The following PCNX2 variants were observed in gnomAD, a reference collection of about 807,000 sequenced individuals.
PCNX2 encodes the protein pecanex-like protein 2.
A neutral mutation model predicts 223.8 loss-of-function variants in PCNX2; 168 were observed. That is an observed-to-expected ratio of 0.75 (90% CI 0.66 to 0.85). PCNX2 has a LOEUF of 0.85. PCNX2 is among the 40% of genes least tolerant of loss of function. The probability of loss-of-function intolerance (pLI) is 0.00; values close to 1 mark genes in which losing one functional copy is unlikely to be tolerated. For missense variants in PCNX2, 2,507 were observed against 2,675.5 expected (o/e 0.94, Z 1.39); for synonymous variants, 1,006 against 1,052.6 (o/e 0.96, Z 0.86).
chr1:233,100,417 C>CAAAAAAAAAAAAAAAAAAAAAAAAAA (rs5781726), intron 21 of PCNX2, among the ~76,000 whole-genome samples: 2 of 81,074 alleles, frequency 2.5e-5, no homozygotes, highest in Non-Finnish European at 2.4e-5. Context: ...GATTCTGTCT[C>CAAAAAAAAAAAAAAAAAAAAAAAAAA]AAAAAAAAAA....
chr1:232,998,357 A>G lies in PCNX2; in HGVS notation c.5685T>C (p.Gly1895=), dbSNP rs1481066100. ...DVDGGGAPTT[G]GNNAPSGGSQ... is the part of the protein sequence containing the mutation. Reference sequence around the variant, plus strand: ...TGCCACCACTCGGGGCATTGTTGCCACCTGTCGTCGGGGCCCCTCCTCCGT... The same window carrying G: ...TGCCACCACTCGGGGCATTGTTGCCGCCTGTCGTCGGGGCCCCTCCTCCGT... Residue 1895 remains glycine (G), a synonymous_variant, in exon 32 of 34, where the codon GGT becomes GGC. Coordinates refer to ENST00000258229, the MANE Select transcript of PCNX2 (RefSeq NM_014801.4). 1 of 1,612,932 alleles carries G rather than the reference A, an allele frequency of 6.2e-7. No individual in the cohort carries two copies. The highest frequency in any genetic ancestry group is 8.5e-7 in the Non-Finnish European group (1 of 1,179,576).
At chr1:233,150,255 C>T (rs1677720261) in intron 19 of PCNX2, among the ~76,000 whole-genome samples, 2 of 152,162 alleles carry the variant, frequency 1.3e-5, no homozygotes, top group African/African-American at 4.8e-5. Context: ...TGGTGCTTCC[C>T]CACAGTGGGT....
At chr1:233,161,712 C>A (rs1247210442) in intron 17 of PCNX2, among the ~76,000 whole-genome samples, 3 of 152,022 alleles carry the variant, frequency 2.0e-5, no homozygotes, top group African/African-American at 7.2e-5. Context: ...TCCACAAACA[C>A]AGATCAGATA....
intron 23 of PCNX2, chr1:233,089,815 T>A (rs16858649): frequency 0.097 from 115,219 of 1,193,340 alleles, 5,998 homozygotes; most frequent in East Asian, 0.14. Flanking sequence ...TCACTTTTCC[T>A]TCACAACTGG....
intron 17 of PCNX2, among the ~76,000 whole-genome samples, chr1:233,167,309 C>A (rs916065908): frequency 6.6e-6 from 1 of 151,502 alleles, no homozygotes; most frequent in African/African-American, 2.4e-5. Context: ...ACAAATACTG[C>A]GTGATTTCAC....
At chr1:233,197,808 G>A (rs1047026169) in intron 15 of PCNX2, among the ~76,000 whole-genome samples, 1 of 152,068 alleles carries the variant, frequency 6.6e-6, no homozygotes, top group Non-Finnish European at 1.5e-5. Context: ...TATGATTTAA[G>A]TTAATCTTTT....
intron 17 of PCNX2, among the ~76,000 whole-genome samples, chr1:233,170,728 C>T (rs1679100491): frequency 6.6e-6 from 1 of 152,154 alleles, no homozygotes; most frequent in Non-Finnish European, 1.5e-5. Flanking sequence ...CTGGAATTGA[C>T]TTTTAAGTAT....
chr1:233,043,121 C>T (rs946889541), intron 25 of PCNX2, among the ~76,000 whole-genome samples: 3 of 152,198 alleles, frequency 2.0e-5, no homozygotes, highest in Admixed American at 1.3e-4. Context: ...ACAGTATTTT[C>T]AAGTTGCCTG....
At chr1:233,074,910 A>G (rs1055479375) in intron 23 of PCNX2, among the ~76,000 whole-genome samples, 2 of 152,220 alleles carry the variant, frequency 1.3e-5, no homozygotes, top group African/African-American at 4.8e-5. Flanking sequence ...AATAAAAAAT[A>G]GTGAAAACAT....
At chr1:233,002,800 A>G (rs1432049008) in intron 28 of PCNX2, among the ~76,000 whole-genome samples, 1 of 152,242 alleles carries the variant, frequency 6.6e-6, no homozygotes, top group East Asian at 1.9e-4. Flanking sequence ...CTGGTACCAA[A>G]ACAGATACAT....
chr1:233,277,641 G>C (rs1660983756), intron 1 of PCNX2, among the ~76,000 whole-genome samples: 1 of 152,202 alleles, frequency 6.6e-6, no homozygotes, highest in Admixed American at 6.5e-5. Context: ...AGTCCAATTA[G>C]AGCAGGTGGA....
intron 25 of PCNX2, among the ~76,000 whole-genome samples, chr1:233,027,939 T>C (rs998115876): frequency 3.9e-5 from 6 of 152,252 alleles, no homozygotes; most frequent in Admixed American, 3.9e-4. Context: ...ATATGCTGCG[T>C]TTTGTTTTCA....
chr1:233,026,659 T>C (rs772937057), intron 25 of PCNX2, among the ~76,000 whole-genome samples: 1 of 152,140 alleles, frequency 6.6e-6, no homozygotes, highest in South Asian at 2.1e-4. Context: ...GAATTGTTGA[T>C]GAATTTCAAC....
the PCNX2 span, among the ~76,000 whole-genome samples, chr1:233,309,300 G>A: frequency 1.3e-5 from 2 of 152,104 alleles, no homozygotes; most frequent in Non-Finnish European, 2.9e-5. Context: ...CCATGGCTTT[G>A]GGAGGCCAAG....
chr1:233,069,999 G>C (rs1672781542), intron 23 of PCNX2, among the ~76,000 whole-genome samples: 1 of 152,012 alleles, frequency 6.6e-6, no homozygotes, highest in East Asian at 1.9e-4. Context: ...AAGAAAAGGG[G>C]AGAGAAAACA....
At chr1:233,136,478 T>A (rs1356853979) in intron 20 of PCNX2, among the ~76,000 whole-genome samples, 1 of 152,156 alleles carries the variant, frequency 6.6e-6, no homozygotes, top group Non-Finnish European at 1.5e-5. Flanking sequence ...AGGACTGCAG[T>A]TGTTTCCACC....
At chr1:233,058,563 G>C (rs972687193) in intron 23 of PCNX2, 6 of 152,038 alleles carry the variant, frequency 3.9e-5, no homozygotes, top group African/African-American at 1.2e-4. Context: ...TCACACATAG[G>C]GTTTACTTAA....
intron 32 of PCNX2, among the ~76,000 whole-genome samples, chr1:232,988,193 T>C (rs1343624804): frequency 2.0e-5 from 3 of 152,212 alleles, no homozygotes; most frequent in Non-Finnish European, 4.4e-5. Context: ...GTGATTTCTA[T>C]CGTAAAGCTG....
chr1:233,246,662 A>G (rs1659141613), intron 8 of PCNX2, among the ~76,000 whole-genome samples: 1 of 152,168 alleles, frequency 6.6e-6, no homozygotes, highest in Admixed American at 6.5e-5. Context: ...AATATTGCAC[A>G]TGGGAACACA....
Sources: gnomAD v4.1 joint callset for allele counts (sites outside exome capture counted in the v4.1 genomes callset) on GRCh38, gnomAD v4.1.1 for gene constraint, MANE v1.5 for transcripts, NCBI Gene and HGNC (gene_info 2026-07-23, HGNC 2026-07-21) for gene names.